PPL: variants seen among roughly 807,000 people sequenced by gnomAD.
The protein encoded by PPL is 190 kDa paraneoplastic pemphigus antigen.
A neutral mutation model predicts 194.4 loss-of-function variants in PPL; 198 were observed. The observed-to-expected ratio is 1.02, with a 90% CI of 0.91 to 1.15. PPL has a LOEUF of 1.15. Among genes scored for constraint, PPL ranks in the 50% most tolerant of loss-of-function variants. The probability of loss-of-function intolerance (pLI) is 0.00; values close to 1 mark genes in which losing one functional copy is unlikely to be tolerated. For missense variants in PPL, 2,885 were observed against 2,294.8 expected, an observed-to-expected ratio of 1.26 and a Z score of -5.25; for synonymous variants, 1,220 against 972.4, an observed-to-expected ratio of 1.25 and a Z score of -4.74.
intron 9 of PPL, among the ~76,000 whole-genome samples, chr16:4,896,244 C>A (rs1199420696): frequency 4.6e-5 from 7 of 152,136 alleles, no homozygotes; most frequent in Non-Finnish European, 7.3e-5. Flanking sequence ...AGTGACACGG[C>A]GTCGCCCACA....
At chr16:4,920,772 T>C (rs1366800496) in intron 1 of PPL, among the ~76,000 whole-genome samples, 1 of 152,206 alleles carries the variant, frequency 6.6e-6, no homozygotes, top group African/African-American at 2.4e-5. Flanking sequence ...CAACTAATTT[T>C]TTAATTTTTT....
chr16:4,906,596 C>G (rs761022502), intron 2 of PPL, among the ~76,000 whole-genome samples: 7 of 152,192 alleles, frequency 4.6e-5, no homozygotes, highest in Non-Finnish European at 8.8e-5. Flanking sequence ...ATTAATTTTG[C>G]AAAAGGAGGA....
chr16:4,897,820 C>CTCCCTTGGTGTCTG, intron 8 of PPL, 50 bp from the exon 9 acceptor site: 1 of 1,474,108 alleles, frequency 6.8e-7, no homozygotes, highest in Non-Finnish European at 9.5e-7. Flanking sequence ...ACTGCAGACA[C>CTCCCTTGGTGTCTG]CAAGGGAGGG....
intron 1 of PPL, among the ~76,000 whole-genome samples, chr16:4,926,935 G>C (rs2089166439): frequency 6.7e-6 from 1 of 148,414 alleles, no homozygotes; most frequent in Non-Finnish European, 1.5e-5. Flanking sequence ...ACTTACACCA[G>C]GGTATTTTCA....
chr16:4,885,265 G>A lies in PPL; in HGVS notation c.3390C>T (p.Val1130=). The A allele has an allele frequency of 1.2e-6, 2 of 1,612,368 alleles. No individual in the cohort carries two copies. The highest frequency in any genetic ancestry group is 1.7e-6 in the Non-Finnish European group (2 of 1,179,966). ...CCTCATATTGGCGGGTGAGATCGCTGACCTCCCTCTCGGTGGCCGCGTCCT... is the reference window on the plus strand; with the variant it reads ...CCTCATATTGGCGGGTGAGATCGCTAACCTCCCTCTCGGTGGCCGCGTCCT... ...VEKDAATERE[V]SDLTRQYEDE... The change falls in exon 22 of 22, where the codon GTC becomes GTT. Residue 1130 remains valine, a synonymous_variant. Coordinates refer to ENST00000345988, the MANE Select transcript of PPL (RefSeq NM_002705.5). This position sits in a 1 kb window ranked among gnomAD's most constrained non-coding sequence, Gnocchi z 6.3.
chr16:4,904,186 C>T, intron 2 of PPL, 146 bp from the exon 3 acceptor site: 2 of 844,222 alleles, frequency 2.4e-6, no homozygotes, highest in Non-Finnish European at 3.6e-6. Context: ...ATATGGAGCG[C>T]AGTCGGTAGT....
In PPL at chr16:4,901,080, T is replaced by C; in HGVS notation, c.448A>G (p.Asn150Asp). The C allele has an allele frequency of 6.2e-7, 1 of 1,614,176 alleles. No individual in the cohort carries two copies. Among genetic ancestry groups the C allele is most frequent in the Non-Finnish European group, 8.5e-7 (1 of 1,180,024 alleles). ...ALVEEKLDKLNNQSFGTDLPL... is the reference protein window; with the variant it reads ...ALVEEKLDKLDNQSFGTDLPL... ...AGGTCAGTCCCAAAGCTCTGGTTGT[T>C]CAGCTTGTCCTGGCCAGGAGGGCAG... Residue 150 changes from asparagine to aspartate, a missense_variant, in exon 5 of 22, where the codon AAC becomes GAC. By Grantham distance (23) the Asn-to-Asp change is conservative (BLOSUM62 1). Coordinates refer to ENST00000345988, the MANE Select transcript of PPL (RefSeq NM_002705.5).
intron 14 of PPL, 106 bp from the exon 15 acceptor site, chr16:4,892,319 A>G (rs1210710914): frequency 3.2e-6 from 4 of 1,264,774 alleles, no homozygotes; most frequent in Non-Finnish European, 4.3e-6. Context: ...CAGTGGAAGC[A>G]GCTGGAGAGG....
chr16:4,890,974 A>G, intron 16 of PPL, 53 bp from the exon 17 acceptor site: 1 of 1,440,146 alleles, frequency 6.9e-7, no homozygotes, highest in Non-Finnish European at 9.2e-7. Flanking sequence ...TCCCAGAGCC[A>G]GGCGATGACA....
At chr16:4,906,950 T>C (rs11076860) in intron 2 of PPL, among the ~76,000 whole-genome samples, 87,740 of 151,992 alleles carry the variant, frequency 0.58, 26,614 homozygotes, top group East Asian at 0.68. Context: ...AAAAAGTTTT[T>C]TAAAGTCACA....
Position 4,899,071 on chromosome 16 carries a change from AGTTT to A in PPL, c.814_817del (p.Lys272CysfsTer34). 1 of 1,574,930 alleles carries A rather than the reference AGTTT, an allele frequency of 6.3e-7. No homozygotes were observed. The highest frequency in any genetic ancestry group is 8.6e-7 in the Non-Finnish European group (1 of 1,158,440). The stretch of plus-strand genomic sequence containing the variant: ...CAGCAGCTGGTCGCCCTCGCTGTGC[AGTTT>A]GTTGATTCTCTCCTCTTTGGCCTCC... On this transcript the variant is annotated frameshift_variant, in exon 8 of 22. Transcript: ENST00000345988. LOFTEE classifies it high-confidence loss of function.
At chr16:4,914,400 C>G (rs1026970005) in intron 1 of PPL, among the ~76,000 whole-genome samples, 2 of 152,166 alleles carry the variant, frequency 1.3e-5, no homozygotes, top group Admixed American at 6.5e-5. Flanking sequence ...AGTCATGGAC[C>G]AGCAATGCAG....
chr16:4,890,845 C>G lies in PPL; in HGVS notation c.2045G>C (p.Cys682Ser), dbSNP rs1335747007. The change falls in exon 17 of 22, where the codon TGC becomes TCC. Residue 682 changes from cysteine to serine, a missense_variant. Coordinates refer to ENST00000345988, the MANE Select transcript of PPL (RefSeq NM_002705.5). ...VEQNLQAAKQ[C>S]SSTLASRFQE... ...GAAGCGGCTGGCCAGTGTGCTCGAG[C>G]ACTGCTTGGCCGCCTGCAAGTTCTG... 1 of 1,568,536 alleles carries G rather than the reference C, an allele frequency of 6.4e-7. No homozygotes were observed. The highest frequency in any genetic ancestry group is 1.9e-5 in the Admixed American group (1 of 53,452).
chr16:4,912,762 G>A lies in PPL; in HGVS notation c.63-1813C>T, dbSNP rs534139291. On this transcript the variant is annotated intron_variant, in intron 1 of 21. Coordinates refer to ENST00000345988, the MANE Select transcript of PPL (RefSeq NM_002705.5). Reference sequence around the variant, plus strand: ...TTACAAGTCAGGAGGTGTGACAGCCGTGGTGGCGTCAGGCCCAGCCTTTCT... The same window carrying A: ...TTACAAGTCAGGAGGTGTGACAGCCATGGTGGCGTCAGGCCCAGCCTTTCT... Among the ~76,000 whole-genome samples the A allele has an allele frequency of 2.1e-4, 32 of 152,340 alleles. No individual in the cohort carries two copies. The South Asian group carries it at 4.1e-3, about 20-fold the overall frequency.
intron 1 of PPL, among the ~76,000 whole-genome samples, chr16:4,916,925 T>G (rs972198795): frequency 8.6e-5 from 13 of 151,764 alleles, no homozygotes; most frequent in Non-Finnish European, 1.0e-4. Flanking sequence ...AGGTCAGGAG[T>G]TCGAGACCAG....
intron 1 of PPL, among the ~76,000 whole-genome samples, chr16:4,934,750 C>G (rs138678156): frequency 6.6e-6 from 1 of 152,172 alleles, no homozygotes; most frequent in Non-Finnish European, 1.5e-5. Flanking sequence ...CCTCCACCCC[C>G]CCACCAAGAC....
intron 2 of PPL, among the ~76,000 whole-genome samples, chr16:4,908,589 G>A (rs1391424634): frequency 1.3e-5 from 2 of 152,180 alleles, no homozygotes; most frequent in Admixed American, 1.3e-4. Context: ...CCAGGCTGGA[G>A]TGCAGTGGTG....
intron 17 of PPL, 65 bp downstream of exon 17, chr16:4,890,663 T>G: frequency 6.7e-7 from 1 of 1,503,342 alleles, no homozygotes; most frequent in South Asian, 1.3e-5. Flanking sequence ...GCTAAAGCAT[T>G]GCTTAGAGGG....
intron 8 of PPL, 54 bp from the exon 9 acceptor site, chr16:4,897,824 G>A (rs1240140573): frequency 7.0e-7 from 1 of 1,423,206 alleles, no homozygotes; most frequent in African/African-American, 1.4e-5. Flanking sequence ...CAGACACCAA[G>A]GGAGGGACTG....
Sources: allele counts gnomAD v4.1 joint callset (sites outside exome capture counted in the v4.1 genomes callset), GRCh38; gene constraint gnomAD v4.1.1; non-coding constraint Gnocchi (gnomAD v3.1); transcripts MANE v1.5; gene names NCBI Gene and HGNC (gene_info 2026-07-23, HGNC 2026-07-21).